The following DLEC1 variants were observed in gnomAD, a reference collection of about 807,000 sequenced individuals.
The protein encoded by DLEC1 is DLEC1 cilia and flagella associated protein.
DLEC1 carries 146 observed loss-of-function variants against 198.1 expected under a neutral mutation model. The observed-to-expected ratio is 0.74, with a 90% CI of 0.64 to 0.85. The LOEUF is 0.85. DLEC1 is among the 40% of genes least tolerant of loss of function. The probability of loss-of-function intolerance (pLI) is 0.00; values close to 1 mark genes in which losing one functional copy is unlikely to be tolerated. For missense variants in DLEC1, 2,233 were observed against 2,220.0 expected (o/e 1.01, Z -0.12); for synonymous variants, 897 against 866.8 (o/e 1.03, Z -0.61).
At chr3:38,055,013 CAAAG>C (rs1285637764) in intron 2 of DLEC1, among the ~76,000 whole-genome samples, 6 of 152,160 alleles carry the variant, frequency 3.9e-5, no homozygotes, top group Admixed American at 1.3e-4. Context: ...GGAGAGGAAT[CAAAG>C]AGAACGTCTG....
Position 38,123,246 on chromosome 3 carries a change from A to G in DLEC1, c.*834A>G, listed in dbSNP as rs1246536305. 6.8e-6 allele frequency: 6 copies of G among 888,802 alleles called. No homozygotes were observed. The highest frequency in any genetic ancestry group is 1.1e-5 in the Non-Finnish European group (6 of 552,426). 55.1% of individuals were successfully genotyped at this position (888,802 alleles called of 1,614,324 possible). A position where few individuals can be genotyped will look rare whatever the true frequency, so the allele number is the denominator to read the frequency against. ...AACCATCAGACCAGATCTGTGGGCA[A>G]GCGGTACCCTGGCCTCCCACTTGGG... On this transcript the variant is annotated 3_prime_UTR_variant, in exon 37 of 37. Coordinates refer to ENST00000308059, the MANE Select transcript of DLEC1 (RefSeq NM_007335.4).
chr3:38,050,072 CTT>C (rs36026980), intron 2 of DLEC1, among the ~76,000 whole-genome samples: 1 of 145,976 alleles, frequency 6.9e-6, no homozygotes, highest in Non-Finnish European at 1.5e-5. Flanking sequence ...TTCCAGATAA[CTT>C]TTTTTTTTTT....
intron 19 of DLEC1, among the ~76,000 whole-genome samples, chr3:38,102,925 C>A (rs1215881919): frequency 6.6e-6 from 1 of 152,196 alleles, no homozygotes; most frequent in Admixed American, 6.5e-5. Context: ...AGCGTGATAC[C>A]CACAGTCTTC....
At chr3:38,094,770 T>C in intron 12 of DLEC1, 109 bp from the exon 13 acceptor site, 1 of 1,314,976 alleles carries the variant, frequency 7.6e-7, no homozygotes, top group Non-Finnish European at 1.0e-6. Context: ...TTTCTTCCTG[T>C]TCCTAGGTCC....
chr3:38,116,706 G>T, intron 28 of DLEC1, 48 bp downstream of exon 28: 1 of 1,610,368 alleles, frequency 6.2e-7, no homozygotes, highest in Non-Finnish European at 8.5e-7. Context: ...GAGGGCCACT[G>T]AGGTGTGGCC....
intron 15 of DLEC1, 93 bp from the exon 16 acceptor site, chr3:38,097,089 C>A: frequency 7.9e-7 from 1 of 1,258,012 alleles, no homozygotes; most frequent in Non-Finnish European, 1.1e-6. Flanking sequence ...CATATGGACT[C>A]TTTACGAGCC....
At position 38,120,499 on chromosome 3, in the gene DLEC1, C is replaced by T; in HGVS notation, c.4756C>T (p.Pro1586Ser). 6.2e-7 allele frequency: 1 copy of T among 1,614,222 alleles called. No individual in the cohort carries two copies. The highest frequency in any genetic ancestry group is 2.2e-5 in the East Asian group (1 of 44,882). The change falls in exon 34 of 37, where the codon CCA becomes TCA. Residue 1586 changes from proline to serine, a missense_variant. Physicochemically the swap from Pro to Ser is moderately conservative, Grantham distance 74. Transcript: ENST00000308059. ...SLELLSYQKL[P>S]ADQTLPGVDI... Reference sequence around the variant, plus strand: ...GGAGCTGCTCTCCTATCAGAAGCTCCCAGCTGACCAGACACTGCCTGGGGT... The same window carrying T: ...GGAGCTGCTCTCCTATCAGAAGCTCTCAGCTGACCAGACACTGCCTGGGGT...
At chr3:38,105,697 T>C (rs931282652) in intron 19 of DLEC1, among the ~76,000 whole-genome samples, 5 of 152,164 alleles carry the variant, frequency 3.3e-5, no homozygotes, top group Non-Finnish European at 5.9e-5. Context: ...TATACTTGGA[T>C]CATTTTTTTA....
intron 19 of DLEC1, among the ~76,000 whole-genome samples, chr3:38,101,286 CT>C (rs1699293002): frequency 6.6e-6 from 1 of 152,124 alleles, no homozygotes; most frequent in Non-Finnish European, 1.5e-5. Flanking sequence ...GAAACCCCGT[CT>C]TTACTAAAAA....
In DLEC1 at chr3:38,122,456, A is replaced by G. The variant is rs1417194477; in HGVS notation, c.*44A>G. 1 of 1,613,772 alleles carries G rather than the reference A, an allele frequency of 6.2e-7. No individual in the cohort carries two copies. The highest frequency in any genetic ancestry group is 1.7e-5 in the Admixed American group (1 of 60,008). On this transcript the variant is annotated 3_prime_UTR_variant, in exon 37 of 37. Coordinates refer to ENST00000308059, the MANE Select transcript of DLEC1 (RefSeq NM_007335.4). ...AGCCCCAGGCCCCAGCTGGAGAAAA[A>G]ACATTGCCCAGGGATTAGGAGCAGC... is the stretch of plus-strand genomic sequence containing the variant.
chr3:38,086,648 C>T (rs944057080), intron 9 of DLEC1, among the ~76,000 whole-genome samples: 8 of 152,242 alleles, frequency 5.3e-5, no homozygotes, highest in Non-Finnish European at 1.2e-4. Context: ...TGACTGCATT[C>T]ACTCATTCAG....
At chr3:38,057,248 T>C (rs552705706) in intron 2 of DLEC1, among the ~76,000 whole-genome samples, 1 of 152,340 alleles carries the variant, frequency 6.6e-6, no homozygotes, top group Admixed American at 6.5e-5. Flanking sequence ...CCCAGTACTT[T>C]GGGAGGCCAA....
chr3:38,112,243 G>A lies in DLEC1; in HGVS notation c.3548G>A (p.Gly1183Glu). 1 of 1,614,184 alleles carries A rather than the reference G, an allele frequency of 6.2e-7. No individual in the cohort carries two copies. Among genetic ancestry groups the A allele is most frequent in the Non-Finnish European group, 8.5e-7 (1 of 1,180,030 alleles). Residue 1183 changes from glycine to glutamate, a missense_variant, in exon 25 of 37, where the codon GGA becomes GAA. Physicochemically the swap from Gly to Glu is moderately conservative, Grantham distance 98 (BLOSUM62 -2). Coordinates refer to ENST00000308059, the MANE Select transcript of DLEC1 (RefSeq NM_007335.4). This position sits in a 1 kb window ranked among gnomAD's most constrained non-coding sequence, Gnocchi z 4.8. ...GAGAGCATGCTATCCCACGGGAAAGGAGCTGCTTTCTTCCCTCACTTTTCC... is the reference window on the plus strand; with the variant it reads ...GAGAGCATGCTATCCCACGGGAAAGAAGCTGCTTTCTTCCCTCACTTTTCC... ...FMESMLSHGK[G>E]AAFFPHFSQG...
chr3:38,122,616 A>G lies in DLEC1; in HGVS notation c.*204A>G. 1 of 1,547,294 alleles carries G rather than the reference A, an allele frequency of 6.5e-7. No homozygotes were observed. The highest frequency in any genetic ancestry group is 8.7e-7 in the Non-Finnish European group (1 of 1,151,322). On this transcript the variant is annotated 3_prime_UTR_variant, in exon 37 of 37. Coordinates refer to ENST00000308059, the MANE Select transcript of DLEC1 (RefSeq NM_007335.4). ...TCAGAGCTAACATAAAGGACAGGCCACACCACAGCAGAGACCACCACATTG... is the reference window on the plus strand; with the variant it reads ...TCAGAGCTAACATAAAGGACAGGCCGCACCACAGCAGAGACCACCACATTG...
In DLEC1 at chr3:38,123,373, T is replaced by C. The variant is rs112623243; in HGVS notation, c.*961T>C. 0.037 allele frequency: 18,436 copies of C among 495,878 alleles called. 966 individuals carry two copies. The highest frequency in any genetic ancestry group is 0.18 in the African/African-American group (9,086 of 51,698). 30.7% of individuals were successfully genotyped at this position (495,878 alleles called of 1,614,324 possible). A position where few individuals can be genotyped will look rare whatever the true frequency, so the allele number is the denominator to read the frequency against. ...GCCCCTACATCCTAAGTTCAGGGTG[T>C]TTCTGTGTGCATGTTCCCCTCCCCA... is the stretch of plus-strand genomic sequence containing the variant. On this transcript the variant is annotated 3_prime_UTR_variant, in exon 37 of 37. Coordinates refer to ENST00000308059, the MANE Select transcript of DLEC1 (RefSeq NM_007335.4).
In DLEC1 at chr3:38,112,115, C is replaced by T. The variant is rs1699916255; in HGVS notation, c.3515-95C>T. 3 of 1,562,550 alleles carry T rather than the reference C, an allele frequency of 1.9e-6. No individual in the cohort carries two copies. In the African/African-American group the frequency reaches 4.0e-5, roughly 21 times the overall value. ...TGACCAAGGAGAGGCTGGAGGGTGG[C>T]TTATCGGGGACAGTGCTTTGCTCAC... On this transcript the variant is annotated intron_variant, in intron 24 of 36. Transcript: ENST00000308059. This position sits in a 1 kb window ranked among gnomAD's most constrained non-coding sequence, Gnocchi z 4.8.
At chr3:38,051,464 G>C (rs542654135) in intron 2 of DLEC1, among the ~76,000 whole-genome samples, 2 of 152,338 alleles carry the variant, frequency 1.3e-5, no homozygotes, top group East Asian at 3.9e-4. Context: ...TGGGGCCATC[G>C]AGGAGGACAT....
rs548473758 is a variant in DLEC1 at position 38,095,987 on chromosome 3, G to A, written c.2171+41G>A. 2.5e-6 allele frequency: 4 copies of A among 1,610,398 alleles called. No individual in the cohort carries two copies. The African/African-American group carries it at 4.0e-5, about 16-fold the overall frequency. On this transcript the variant is annotated intron_variant, in intron 14 of 36. Coordinates refer to ENST00000308059, the MANE Select transcript of DLEC1 (RefSeq NM_007335.4). ...CCCTGGATGAGAAGTGGGCAGCTGG[G>A]CCTTCCCCCACCTTGGGGGTTCTCC... is the stretch of plus-strand genomic sequence containing the variant.
intron 18 of DLEC1, among the ~76,000 whole-genome samples, chr3:38,099,749 G>A (rs931005453): frequency 1.4e-5 from 2 of 144,724 alleles, no homozygotes; most frequent in South Asian, 2.3e-4. Context: ...TGTGTGCCTG[G>A]CATGGGAGGA....
Sources: gnomAD v4.1 joint callset for allele counts (sites outside exome capture counted in the v4.1 genomes callset) on GRCh38, gnomAD v4.1.1 for gene constraint, Gnocchi (gnomAD v3.1) non-coding constraint, MANE v1.5 for transcripts, NCBI Gene and HGNC (gene_info 2026-07-23, HGNC 2026-07-21) for gene names.